Variants in PWWP4 observed in about 807,000 individuals in gnomAD.
PWWP4 encodes putative PWWP domain-containing DNA repair factor 4.
the PWWP4 span, among the ~76,000 whole-genome samples, chrX:153,266,294 G>T: frequency 9.9e-6 from 1 of 101,112 alleles, no homozygotes; most frequent in Non-Finnish European, 2.0e-5. Flanking sequence ...TATGTGTGAG[G>T]ATGTGTGTCT....
upstream of PWWP4, among the ~76,000 whole-genome samples, chrX:153,271,260 C>T (rs2051805441): frequency 1.8e-5 from 2 of 113,197 alleles, no homozygotes; most frequent in South Asian, 6.9e-4. Flanking sequence ...CTGTATGATC[C>T]CAAATACTTG....
At chrX:153,276,129 C>G (rs1240613647) in exon 1 of PWWP4, among the ~76,000 whole-genome samples, 1 of 102,522 alleles carries the variant, frequency 9.8e-6, no homozygotes, top group Non-Finnish European at 2.0e-5. Context: ...CTCCATTTGT[C>G]ACCCTGTGTG....
At chrX:153,270,160 G>C (rs1432289590), upstream of PWWP4, among the ~76,000 whole-genome samples, 1 of 107,103 alleles carries the variant, frequency 9.3e-6, no homozygotes, top group African/African-American at 3.6e-5. Context: ...TATCAATCTC[G>C]TTGAGCACAT....
exon 1 of PWWP4, among the ~76,000 whole-genome samples, chrX:153,271,787 C>A (rs2051807461): frequency 1.3e-5 from 1 of 75,817 alleles, no homozygotes; most frequent in Non-Finnish European, 2.4e-5. Context: ...GACGTGAAGA[C>A]CCCAACTAAG....
chrX:153,269,150 T>A (rs2051798745), upstream of PWWP4, among the ~76,000 whole-genome samples: 1 of 40,194 alleles, frequency 2.5e-5, no homozygotes, highest in Non-Finnish European at 4.6e-5. Context: ...TTCCAACGTG[T>A]GTGTGTGTGT....
exon 1 of PWWP4, among the ~76,000 whole-genome samples, chrX:153,276,222 C>T (rs1436140297): frequency 1.0e-5 from 1 of 96,549 alleles, no homozygotes; most frequent in Non-Finnish European, 2.1e-5. Context: ...ATACGGCCAT[C>T]GATCCTACTC....
chrX:153,269,947 A>T (rs1433223797), upstream of PWWP4, among the ~76,000 whole-genome samples: 2 of 112,004 alleles, frequency 1.8e-5, no homozygotes, highest in African/African-American at 6.4e-5. Flanking sequence ...TGAAGATGAT[A>T]TGTGCATGTG....
the PWWP4 span, among the ~76,000 whole-genome samples, chrX:153,266,395 G>A: frequency 3.0e-5 from 3 of 100,630 alleles, no homozygotes; most frequent in African/African-American, 1.2e-4. Context: ...GCGTGTGTGT[G>A]GATGTGTGTG....
At chrX:153,271,626 G>A (rs1190674212) in exon 1 of PWWP4, among the ~76,000 whole-genome samples, 10 of 103,704 alleles carry the variant, frequency 9.6e-5, no homozygotes, top group African/African-American at 1.9e-4. Context: ...TCATGGACTC[G>A]GAGTACGTCC....
At chrX:153,269,709 AAAC>A (rs1213012367), upstream of PWWP4, among the ~76,000 whole-genome samples, 1 of 102,583 alleles carries the variant, frequency 9.7e-6, no homozygotes, top group Non-Finnish European at 2.0e-5. Flanking sequence ...TGGCTATAGA[AAAC>A]AACAACAGGC....
At chrX:153,271,191 A>T (rs1411635518), upstream of PWWP4, among the ~76,000 whole-genome samples, 1 of 114,412 alleles carries the variant, frequency 8.7e-6, no homozygotes, top group South Asian at 3.4e-4. Flanking sequence ...TCAAGACGGA[A>T]TTGTTAAAAT....
chrX:153,269,859 G>A (rs1465865872), upstream of PWWP4, among the ~76,000 whole-genome samples: 3 of 112,425 alleles, frequency 2.7e-5, no homozygotes, highest in Non-Finnish European at 3.8e-5. Flanking sequence ...CTGTACAGAC[G>A]TTCACACAAA....
the PWWP4 span, among the ~76,000 whole-genome samples, chrX:153,266,195 G>A: frequency 1.2e-5 from 1 of 81,740 alleles, no homozygotes; most frequent in African/African-American, 5.1e-5. Flanking sequence ...TTTACAGAGC[G>A]GACAGCTGGA....
At position 153,276,445 on chromosome X, in the gene PWWP4, G is replaced by A. The variant is rs1319358088; in HGVS notation, c.4828G>A (p.Ala1610Thr). 5.6e-5 allele frequency among the ~76,000 whole-genome samples: 4 copies of A among 71,365 alleles called. No homozygotes were observed. In the South Asian group the frequency reaches 1.9e-3, roughly 34 times the overall value. The allele number at this position is 71,365 out of a possible 115,157, so 62.0% of individuals were successfully genotyped here. A position where few individuals can be genotyped will look rare whatever the true frequency, so the allele number is the denominator to read the frequency against. Residue 1610 changes from alanine to threonine, a missense_variant, in exon 1 of 1, where the codon GCC becomes ACC. Transcript: ENST00000458091. ...GAAAAAGGGGAAGAAAAGGGCAAAC[G>A]CCTCGACTCTTATGTCCCTGCCTCC...
exon 1 of PWWP4, among the ~76,000 whole-genome samples, chrX:153,272,523 A>G (rs1268919619): frequency 8.1e-5 from 8 of 99,327 alleles, no homozygotes; most frequent in Admixed American, 3.1e-4. Flanking sequence ...GGGCCCACAG[A>G]GCCATTGCCC....
upstream of PWWP4, among the ~76,000 whole-genome samples, chrX:153,270,567 G>A (rs1345233521): frequency 6.5e-4 from 17 of 26,160 alleles, no homozygotes; most frequent in East Asian, 0.027. Flanking sequence ...GCATCTACAC[G>A]CGGTGCCACT....
At chrX:153,270,203 A>T (rs1180612903), upstream of PWWP4, among the ~76,000 whole-genome samples, 78 of 105,558 alleles carry the variant, frequency 7.4e-4, no homozygotes, top group African/African-American at 2.8e-3. Context: ...TCTCTCTCAC[A>T]CACACACACA....
exon 1 of PWWP4, among the ~76,000 whole-genome samples, chrX:153,276,444 C>T (rs1327883265): frequency 2.8e-5 from 2 of 71,440 alleles, no homozygotes; most frequent in East Asian, 4.9e-4. Context: ...AAAGGGCAAA[C>T]GCCTCGACTC....
chrX:153,270,029 G>A (rs1226310708), upstream of PWWP4, among the ~76,000 whole-genome samples: 11 of 107,865 alleles, frequency 1.0e-4, no homozygotes, highest in Non-Finnish European at 1.5e-4. Context: ...ATTCTGTGAC[G>A]TGATGTCCTT....
Sources: gnomAD v4.1 joint callset for allele counts (sites outside exome capture counted in the v4.1 genomes callset) on GRCh38, gnomAD v4.1.1 for gene constraint, MANE v1.5 for transcripts, NCBI Gene and HGNC (gene_info 2026-07-23, HGNC 2026-07-21) for gene names.